Variants in NABP1 observed in about 807,000 individuals in gnomAD.
The protein encoded by NABP1 is SOSS complex subunit B2.
NABP1 carries 18 observed loss-of-function variants against 25.0 expected under a neutral mutation model. That is an observed-to-expected ratio of 0.72 (90% CI 0.50 to 1.07). The LOEUF (loss-of-function observed/expected upper bound fraction) is 1.07. Ranked by LOEUF, NABP1 falls within the 50% of genes least tolerant of loss-of-function variation. The pLI is 0.00. For synonymous variants in NABP1, 71 were observed against 85.0 expected (o/e 0.84, Z 0.91); for missense variants, 270 against 255.6 (o/e 1.06, Z -0.39).
chr2:191,680,046 A>G (rs1249362669), intron 2 of NABP1, among the ~76,000 whole-genome samples: 2 of 152,210 alleles, frequency 1.3e-5, no homozygotes, highest in African/African-American at 4.8e-5. Context: ...TTTGGCAGAA[A>G]GGCATCTACA....
In NABP1 at chr2:191,678,446, C is replaced by G; in HGVS notation, c.-169C>G. 8.8e-6 allele frequency: 2 copies of G among 226,256 alleles called. No homozygotes were observed. The allele number at this position is 226,256 out of a possible 1,614,324, so 14.0% of individuals were successfully genotyped here. A position where few individuals can be genotyped will look rare whatever the true frequency, so the allele number is the denominator to read the frequency against. On this transcript the variant is annotated 5_prime_UTR_variant, in exon 1 of 6. Transcript: ENST00000425611. ...TTTTTTTCTTTTTTTAGGCTCAGTGCTGTCCGGGCTGGTTTGCCCGGTCCC... is the reference window on the plus strand; with the variant it reads ...TTTTTTTCTTTTTTTAGGCTCAGTGGTGTCCGGGCTGGTTTGCCCGGTCCC...
chr2:191,678,593 C>T lies in NABP1; in HGVS notation c.-22C>T. On this transcript the variant is annotated 5_prime_UTR_variant, in exon 1 of 6. Transcript: ENST00000425611. ...GCCCTGCCCACTCGCGTCTCCGCAG[C>T]CGTAGCCGCGCCTGTCCCAATATGA... 1 of 1,575,384 alleles carries T rather than the reference C, an allele frequency of 6.3e-7. No individual in the cohort carries two copies. The highest frequency in any genetic ancestry group is 2.2e-5 in the East Asian group (1 of 44,612).
intron 2 of NABP1, among the ~76,000 whole-genome samples, chr2:191,681,246 G>A (rs1687677737): frequency 6.6e-6 from 1 of 152,126 alleles, no homozygotes; most frequent in Non-Finnish European, 1.5e-5. Context: ...GTTGTACAGA[G>A]AACCATTGAG....
chr2:191,682,216 A>G (rs1044876762), intron 3 of NABP1, 199 bp downstream of exon 3: 2 of 440,440 alleles, frequency 4.5e-6, no homozygotes, highest in Non-Finnish European at 8.3e-6. Flanking sequence ...AAAAGTGTCA[A>G]TTTTTCCTGG....
At chr2:191,679,239 T>TG in intron 2 of NABP1, 111 bp downstream of exon 2, 1 of 1,322,186 alleles carries the variant, frequency 7.6e-7, no homozygotes, top group Non-Finnish European at 1.0e-6. Context: ...GGGCCACTCT[T>TG]GAGGAGTTTT....
Position 191,685,848 on chromosome 2 carries a change from T to C in NABP1, c.*80T>C. The C allele has an allele frequency of 7.4e-7, 1 of 1,343,606 alleles. No individual in the cohort carries two copies. The highest frequency in any genetic ancestry group is 1.0e-6 in the Non-Finnish European group (1 of 966,516). The allele number at this position is 1,343,606 out of a possible 1,614,324, so 83.2% of individuals were successfully genotyped here. A position where few individuals can be genotyped will look rare whatever the true frequency, so the allele number is the denominator to read the frequency against. ...TATTGCACTTTTATTTATTGTTAAC[T>C]GTGAAAAGTACGTCCTTTATTGGGT... On this transcript the variant is annotated 3_prime_UTR_variant, in exon 6 of 6. Coordinates refer to ENST00000425611, the MANE Select transcript of NABP1 (RefSeq NM_001031716.5).
At chr2:191,678,923 G>C in intron 1 of NABP1, 67 bp from the exon 2 acceptor site, 1 of 1,604,202 alleles carries the variant, frequency 6.2e-7, no homozygotes, top group Non-Finnish European at 8.5e-7. Flanking sequence ...TACCGGAGGA[G>C]GAGTTAGCCT....
At position 191,678,582 on chromosome 2, in the gene NABP1, C is replaced by T. The variant is rs765262206; in HGVS notation, c.-33C>T. The T allele has an allele frequency of 3.9e-6, 6 of 1,533,648 alleles. No individual in the cohort carries two copies. In the South Asian group the frequency reaches 5.7e-5, roughly 15 times the overall value. ...GCTTTGACCCCGCCCTGCCCACTCG[C>T]GTCTCCGCAGCCGTAGCCGCGCCTG... is the stretch of plus-strand genomic sequence containing the variant. On this transcript the variant is annotated 5_prime_UTR_variant, in exon 1 of 6. Transcript: ENST00000425611.
Position 191,684,234 on chromosome 2 carries a change from A to G in NABP1, c.383A>G (p.Gln128Arg), listed in dbSNP as rs1333853560. Residue 128 changes from glutamine to arginine, a missense_variant, in exon 5 of 6, where the codon CAG becomes CGG. Physicochemically the swap from Gln to Arg is conservative, Grantham distance 43. Transcript: ENST00000425611. The part of the protein sequence containing the change: ...DYRGQQNKGA[Q>R]SEQKNNSMNS... ...AAATTAAAAACTTTTTTTTAGGCAC[A>G]GAGTGAACAGAAGAATAATTCCATG... is the stretch of plus-strand genomic sequence containing the variant. 1.9e-6 allele frequency: 3 copies of G among 1,543,956 alleles called. No homozygotes were observed. The highest frequency in any genetic ancestry group is 1.2e-5 in the South Asian group (1 of 81,528).
chr2:191,679,244 A>G, intron 2 of NABP1, 116 bp downstream of exon 2: 1 of 1,241,796 alleles, frequency 8.1e-7, no homozygotes, highest in Non-Finnish European at 1.1e-6. Context: ...ACTCTTGAGG[A>G]GTTTTGAACT....
At chr2:191,682,566 T>G (rs1439495527) in intron 3 of NABP1, 1 of 471,060 alleles carries the variant, frequency 2.1e-6, no homozygotes, top group Non-Finnish European at 4.4e-6. Context: ...CACCCTGACC[T>G]GGAGGAGCCA....
At chr2:191,682,334 A>T (rs891949585) in intron 3 of NABP1, 1 of 348,986 alleles carries the variant, frequency 2.9e-6, no homozygotes, top group Non-Finnish European at 5.6e-6. Context: ...TTTGAAGTAG[A>T]TTCTCTTTTG....
chr2:191,681,990 G>A lies in NABP1; in HGVS notation c.275G>A (p.Arg92Lys). 1 of 1,507,712 alleles carries A rather than the reference G, an allele frequency of 6.6e-7. No individual in the cohort carries two copies. The highest frequency in any genetic ancestry group is 2.4e-5 in the Admixed American group (1 of 41,312). The allele number at this position is 1,507,712 out of a possible 1,614,324, so 93.4% of individuals were successfully genotyped here. A position where few individuals can be genotyped will look rare whatever the true frequency, so the allele number is the denominator to read the frequency against. ...GGATGTCTGACACTTTATACTGGAA[G>A]GGGTGGTGAACTTCAAAAAATTGGG... ...WKGCLTLYTG[R>K]GGELQKIGEF... Residue 92 changes from arginine (R) to lysine (K), a missense_variant, in exon 3 of 6, where the codon AGG becomes AAG. Coordinates refer to ENST00000425611, the MANE Select transcript of NABP1 (RefSeq NM_001031716.5).
rs767949406 is a variant in NABP1 at position 191,678,703 on chromosome 2, T to C, written c.89T>C (p.Ile30Thr). ...NLNVVFIVLEIGRVTKTKDGH... is the reference protein window; with the variant it reads ...NLNVVFIVLETGRVTKTKDGH... ...AATGTCGTCTTTATTGTCCTGGAGATAGGTAAGTGGGGTTTGCAGCCTACT... is the reference window on the plus strand; with the variant it reads ...AATGTCGTCTTTATTGTCCTGGAGACAGGTAAGTGGGGTTTGCAGCCTACT... Residue 30 changes from isoleucine to threonine, a missense_variant and splice_region_variant, in exon 1 of 6, where the codon ATA becomes ACA. Physicochemically the swap from Ile to Thr is moderately conservative, Grantham distance 89 (BLOSUM62 -1). Transcript: ENST00000425611. The C allele has an allele frequency of 1.2e-6, 2 of 1,612,558 alleles. No individual in the cohort carries two copies. Among genetic ancestry groups the C allele is most frequent in the East Asian group, 2.2e-5 (1 of 44,850 alleles).
In NABP1 at chr2:191,678,396, T is replaced by G. The variant is rs1476015192; in HGVS notation, c.-219T>G. 1.3e-5 allele frequency: 5 copies of G among 380,038 alleles called. No individual in the cohort carries two copies. The highest frequency in any genetic ancestry group is 8.2e-5 in the East Asian group (2 of 24,344). 23.5% of individuals were successfully genotyped at this position (380,038 alleles called of 1,614,324 possible). A position where few individuals can be genotyped will look rare whatever the true frequency, so the allele number is the denominator to read the frequency against. On this transcript the variant is annotated 5_prime_UTR_variant, in exon 1 of 6. Coordinates refer to ENST00000425611, the MANE Select transcript of NABP1 (RefSeq NM_001031716.5). ...GGTTCGCCTTTTTTTCTTTAGAACT[T>G]GTGAGCCTTTTTTTTTTTTTTTTTT...
At position 191,684,242 on chromosome 2, in the gene NABP1, CAGA is replaced by C; in HGVS notation, c.396_398del (p.Lys132del). 6.5e-7 allele frequency: 1 copy of C among 1,542,412 alleles called. No individual in the cohort carries two copies. The highest frequency in any genetic ancestry group is 2.5e-5 in the East Asian group (1 of 40,700). ...AACTTTTTTTTAGGCACAGAGTGAA[CAGA>C]AGAATAATTCCATGAATAGTAATAT... On this transcript the variant is annotated inframe_deletion, in exon 5 of 6. Transcript: ENST00000425611.
Position 191,678,478 on chromosome 2 carries a change from AC to A in NABP1, c.-136del, listed in dbSNP as rs1316057779. On this transcript the variant is annotated 5_prime_UTR_variant, in exon 1 of 6. Coordinates refer to ENST00000425611, the MANE Select transcript of NABP1 (RefSeq NM_001031716.5). ...GGCTGGTTTGCCCGGTCCCTGACTA[AC>A]GGCTTTCTGCCCCTTCTCTCGCCAC... is the stretch of plus-strand genomic sequence containing the variant. The A allele has an allele frequency of 2.9e-5, 16 of 550,302 alleles. No homozygotes were observed. Among genetic ancestry groups the A allele is most frequent in the Middle Eastern group, 4.9e-4 (1 of 2,042 alleles). 34.1% of individuals were successfully genotyped at this position (550,302 alleles called of 1,614,324 possible).
chr2:191,678,403 CTTTT>C lies in NABP1; in HGVS notation c.-191_-188del, dbSNP rs781513296. 9.1e-5 allele frequency: 22 copies of C among 241,994 alleles called. No individual in the cohort carries two copies. The highest frequency in any genetic ancestry group is 6.3e-4 in the Admixed American group (10 of 15,952). The allele number at this position is 241,994 out of a possible 1,614,324, so 15.0% of individuals were successfully genotyped here. ...CTTTTTTTCTTTAGAACTTGTGAGC[CTTTT>C]TTTTTTTTTTTTTTTTTTTTCTTTT... On this transcript the variant is annotated 5_prime_UTR_variant, in exon 1 of 6. Coordinates refer to ENST00000425611, the MANE Select transcript of NABP1 (RefSeq NM_001031716.5).
In NABP1 at chr2:191,678,558, C is replaced by A; in HGVS notation, c.-57C>A. 1 of 1,344,450 alleles carries A rather than the reference C, an allele frequency of 7.4e-7. No individual in the cohort carries two copies. Among genetic ancestry groups the A allele is most frequent in the Non-Finnish European group, 1.0e-6 (1 of 955,258 alleles). The allele number at this position is 1,344,450 out of a possible 1,614,324, so 83.3% of individuals were successfully genotyped here. On this transcript the variant is annotated 5_prime_UTR_variant, in exon 1 of 6. Coordinates refer to ENST00000425611, the MANE Select transcript of NABP1 (RefSeq NM_001031716.5). ...GCCCCTGTCCCGGGAGGGTGGGAAG[C>A]TTTGACCCCGCCCTGCCCACTCGCG...
Sources: allele counts gnomAD v4.1 joint callset (sites outside exome capture counted in the v4.1 genomes callset), GRCh38; gene constraint gnomAD v4.1.1; transcripts MANE v1.5; gene names NCBI Gene and HGNC (gene_info 2026-07-23, HGNC 2026-07-21).